EHBP1: variants seen among roughly 807,000 people sequenced by gnomAD.
EHBP1 encodes the protein EH domain-binding protein 1.
EHBP1 carries 55 observed loss-of-function variants against 144.0 expected under a neutral mutation model. That is an observed-to-expected ratio of 0.38 (90% CI 0.31 to 0.48). The LOEUF (loss-of-function observed/expected upper bound fraction) is 0.48. EHBP1 is among the 20% of genes least tolerant of loss of function. The pLI is 0.98. For missense variants in EHBP1, 1,200 were observed against 1,364.2 expected (o/e 0.88, Z 1.90); for synonymous variants, 469 against 472.7 (o/e 0.99, Z 0.10).
chr2:62,713,361 C>T (rs1008836878), intron 2 of EHBP1, among the ~76,000 whole-genome samples: 1 of 151,676 alleles, frequency 6.6e-6, no homozygotes, highest in Non-Finnish European at 1.5e-5. Flanking sequence ...CATGCCTCAG[C>T]CTCCTAAGTA....
chr2:62,861,318 T>G (rs1488003012), intron 8 of EHBP1, among the ~76,000 whole-genome samples: 1 of 151,408 alleles, frequency 6.6e-6, no homozygotes, highest in African/African-American at 2.4e-5. Flanking sequence ...TTAGTAGAGA[T>G]GAGGTTTCGC....
chr2:62,753,982 TTC>T (rs2040011253), intron 3 of EHBP1, among the ~76,000 whole-genome samples: 1 of 152,238 alleles, frequency 6.6e-6, no homozygotes, highest in Non-Finnish European at 1.5e-5. Context: ...TGAAGCCTTC[TTC>T]TCTCAACTTG....
intron 21 of EHBP1, among the ~76,000 whole-genome samples, chr2:63,042,807 G>C (rs1245071939): frequency 1.3e-5 from 2 of 151,804 alleles, no homozygotes; most frequent in African/African-American, 4.8e-5. Context: ...GTCAAGTTCA[G>C]AGAAGGAATA....
At chr2:62,726,732 C>T (rs2036832188) in intron 2 of EHBP1, 1 of 152,192 alleles carries the variant, frequency 6.6e-6, no homozygotes, top group African/African-American at 2.4e-5. Flanking sequence ...AGATAACTCA[C>T]TACCAGCCTG....
chr2:62,759,558 A>C (rs773506830), intron 3 of EHBP1, among the ~76,000 whole-genome samples: 1 of 152,134 alleles, frequency 6.6e-6, no homozygotes, highest in East Asian at 1.9e-4. Context: ...GACGCCCACC[A>C]CTATGCCGGC....
intron 21 of EHBP1, among the ~76,000 whole-genome samples, chr2:63,043,445 G>A (rs1003169389): frequency 6.6e-6 from 1 of 152,118 alleles, no homozygotes; most frequent in Non-Finnish European, 1.5e-5. Context: ...ATCGAATGTG[G>A]ATAATTAACA....
intron 2 of EHBP1, among the ~76,000 whole-genome samples, chr2:62,723,861 G>A (rs1274331228): frequency 6.6e-6 from 1 of 152,158 alleles, no homozygotes; most frequent in East Asian, 1.9e-4. Context: ...CTGTTAGTCT[G>A]ATGGGCTTCT....
intron 9 of EHBP1, 44 bp from the exon 10 acceptor site, chr2:62,874,302 C>T (rs370671199): frequency 1.4e-6 from 2 of 1,397,534 alleles, no homozygotes; most frequent in Non-Finnish European, 1.9e-6. Flanking sequence ...TGTAAATGAA[C>T]TATTTTTTGA....
chr2:62,910,085 A>G lies in EHBP1; in HGVS notation c.1186-32633A>G, dbSNP rs144812416. Among the ~76,000 whole-genome samples the G allele has an allele frequency of 2.4e-3, 368 of 152,242 alleles. 1 individual carries two copies. Among genetic ancestry groups the G allele is most frequent in the Non-Finnish European group, 3.6e-3 (243 of 68,004 alleles). On this transcript the variant is annotated intron_variant, in intron 10 of 22. Transcript: ENST00000431489. ...GTGTTTTTAATCGAAGTTCAATCCA[A>G]GTATCCCCTACTCTAGGTGATTTGA...
At chr2:62,715,421 C>A (rs947009569) in intron 2 of EHBP1, among the ~76,000 whole-genome samples, 1 of 151,436 alleles carries the variant, frequency 6.6e-6, no homozygotes, top group African/African-American at 2.4e-5. Context: ...GCCGAGTCAC[C>A]GTGCCAAGCC....
At chr2:62,949,615 T>C (rs1222959601) in intron 13 of EHBP1, among the ~76,000 whole-genome samples, 1 of 152,206 alleles carries the variant, frequency 6.6e-6, no homozygotes, top group Non-Finnish European at 1.5e-5. Context: ...TGTTTCAATA[T>C]TCCATTTAAT....
intron 5 of EHBP1, among the ~76,000 whole-genome samples, chr2:62,777,290 T>TA (rs1483260985): frequency 1.3e-5 from 2 of 152,144 alleles, no homozygotes; most frequent in East Asian, 1.9e-4. Flanking sequence ...TTTTAAAATC[T>TA]AAAAAAATTT....
intron 5 of EHBP1, 161 bp downstream of exon 5, chr2:62,771,553 CAA>C (rs1386573796): frequency 1.9e-6 from 1 of 531,526 alleles, no homozygotes; most frequent in Non-Finnish European, 3.3e-6. Flanking sequence ...TAGCCAGTAA[CAA>C]AATTATTTGT....
intron 3 of EHBP1, among the ~76,000 whole-genome samples, chr2:62,752,958 T>C (rs1473163326): frequency 4.6e-5 from 7 of 152,234 alleles, no homozygotes; most frequent in Admixed American, 3.9e-4. Context: ...TTTATCCAAA[T>C]TGCCAGTTTG....
At chr2:62,677,771 C>G (rs1232562883) in intron 1 of EHBP1, among the ~76,000 whole-genome samples, 3 of 152,144 alleles carry the variant, frequency 2.0e-5, no homozygotes, top group Non-Finnish European at 4.4e-5. Flanking sequence ...TTTCATTTAA[C>G]ATAATGACCT....
At chr2:62,728,339 G>A (rs1238798124) in intron 2 of EHBP1, among the ~76,000 whole-genome samples, 1 of 152,148 alleles carries the variant, frequency 6.6e-6, no homozygotes, top group African/African-American at 2.4e-5. Flanking sequence ...CAAAGTGGCC[G>A]CATCATTTCA....
chr2:62,746,094 A>G (rs138640838), intron 2 of EHBP1, among the ~76,000 whole-genome samples: 88 of 152,168 alleles, frequency 5.8e-4, no homozygotes, highest in Non-Finnish European at 9.4e-4. Context: ...CAAGCCATCA[A>G]TGTTTTCAAA....
At chr2:62,993,732 A>AGTATATATATATAGTATATATATATAGC in intron 17 of EHBP1, 64 bp downstream of exon 17, 1 of 817,888 alleles carries the variant, frequency 1.2e-6, no homozygotes, top group Non-Finnish European at 1.7e-6. Context: ...ATCTATATAT[A>AGTATATATATATAGTATATATATATAGC]GTATATATAT....
chr2:62,713,385 G>T (rs966625592), intron 2 of EHBP1, among the ~76,000 whole-genome samples: 3 of 151,916 alleles, frequency 2.0e-5, no homozygotes, highest in Non-Finnish European at 2.9e-5. Flanking sequence ...GGGATTACCG[G>T]CATGTACCAC....
Sources: allele counts gnomAD v4.1 joint callset (sites outside exome capture counted in the v4.1 genomes callset), GRCh38; gene constraint gnomAD v4.1.1; transcripts MANE v1.5; gene names NCBI Gene and HGNC (gene_info 2026-07-23, HGNC 2026-07-21).